ZNF487: variants seen among roughly 807,000 people sequenced by gnomAD.
ZNF487 encodes zinc finger protein 487, also known as KRAB domain only 1.
A neutral mutation model predicts 3.0 loss-of-function variants in ZNF487; 4 were observed. The ratio of observed to expected loss-of-function variants is 1.35; its 90% CI spans 0.66 to 3.08. ZNF487 has a LOEUF of 3.08. Among genes scored for constraint, ZNF487 ranks in the 30% most tolerant of loss-of-function variants. The probability of loss-of-function intolerance (pLI) is 0.01; values close to 1 mark genes in which losing one functional copy is unlikely to be tolerated. For missense variants in ZNF487, 146 were observed against 98.7 expected, an observed-to-expected ratio of 1.48 and a Z score of -2.03; for synonymous variants, 55 against 34.6, an observed-to-expected ratio of 1.59 and a Z score of -2.06.
chr10:43,457,852 C>A (rs1187601665), intron 1 of ZNF487, among the ~76,000 whole-genome samples: 7 of 152,004 alleles, frequency 4.6e-5, no homozygotes, highest in Non-Finnish European at 8.8e-5. Context: ...GAAACCCCGT[C>A]TCTACTAAAA....
chr10:43,442,738 C>T (rs1839662551), intron 1 of ZNF487, among the ~76,000 whole-genome samples: 1 of 152,106 alleles, frequency 6.6e-6, no homozygotes, highest in Non-Finnish European at 1.5e-5. Flanking sequence ...ACACCGCGCC[C>T]AGCCCTGGAA....
At chr10:43,488,443 T>C in the ZNF487 span, among the ~76,000 whole-genome samples, 1 of 152,144 alleles carries the variant, frequency 6.6e-6, no homozygotes, top group South Asian at 2.1e-4. Flanking sequence ...TAAAACATAA[T>C]AAGGAGCAAA....
At chr10:43,446,154 G>A (rs947070572) in intron 1 of ZNF487, among the ~76,000 whole-genome samples, 14 of 152,144 alleles carry the variant, frequency 9.2e-5, no homozygotes, top group Non-Finnish European at 2.9e-5. Context: ...CGACAAAACC[G>A]CCGTCGTCAT....
chr10:43,509,481 A>ATATATC, the ZNF487 span, among the ~76,000 whole-genome samples: 1 of 146,516 alleles, frequency 6.8e-6, no homozygotes, highest in African/African-American at 2.5e-5. Flanking sequence ...ATATATATAT[A>ATATATC]TCATGGGAGT....
chr10:43,455,898 G>A (rs1840181928), intron 1 of ZNF487, among the ~76,000 whole-genome samples: 1 of 152,256 alleles, frequency 6.6e-6, no homozygotes, highest in African/African-American at 2.4e-5. Flanking sequence ...GAAGGAGGCG[G>A]GCACCGCCCG....
intron 1 of ZNF487, among the ~76,000 whole-genome samples, chr10:43,467,441 G>T (rs1239126959): frequency 6.6e-6 from 1 of 151,934 alleles, no homozygotes; most frequent in South Asian, 2.1e-4. Flanking sequence ...CTGACCTCGT[G>T]ATCTGCCTGC....
chr10:43,493,705 AAAAAATATATATATAT>A, the ZNF487 span, among the ~76,000 whole-genome samples: 126 of 73,216 alleles, frequency 1.7e-3, 4 homozygotes, highest in African/African-American at 4.6e-3. Flanking sequence ...GAAAAAAAAA[AAAAAATATATATATAT>A]ATATATATAT....
intron 1 of ZNF487, among the ~76,000 whole-genome samples, chr10:43,461,876 T>C (rs895905696): frequency 6.6e-6 from 1 of 152,196 alleles, no homozygotes; most frequent in African/African-American, 2.4e-5. Context: ...TACCTTGTCA[T>C]TTGTCATCCC....
At chr10:43,507,085 A>G in the ZNF487 span, among the ~76,000 whole-genome samples, 1 of 152,310 alleles carries the variant, frequency 6.6e-6, no homozygotes, top group East Asian at 1.9e-4. Context: ...TTGACTGTAC[A>G]GTGGCATTCT....
chr10:43,505,289 T>C, the ZNF487 span, among the ~76,000 whole-genome samples: 4 of 1,912 alleles, frequency 2.1e-3, no homozygotes, highest in Non-Finnish European at 4.0e-3. Flanking sequence ...ATATTTACAT[T>C]TTTTTTTTTG....
the ZNF487 span, among the ~76,000 whole-genome samples, chr10:43,522,791 CAT>C: frequency 1.3e-5 from 2 of 151,526 alleles, no homozygotes; most frequent in African/African-American, 4.9e-5. Context: ...GCATTGGAAA[CAT>C]ATGTATTAGT....
chr10:43,477,504 C>G (rs1053449291), intron 3 of ZNF487, among the ~76,000 whole-genome samples: 5 of 151,896 alleles, frequency 3.3e-5, no homozygotes, highest in African/African-American at 7.3e-5. Flanking sequence ...TTCTAAATTC[C>G]TTTCATTGTT....
downstream of ZNF487, among the ~76,000 whole-genome samples, chr10:43,487,929 C>CAAAAAAAAAAAAAAAAAAAAA (rs76705594): frequency 4.9e-5 from 2 of 40,444 alleles, no homozygotes; most frequent in African/African-American, 9.5e-5. Context: ...TACCAAAATA[C>CAAAAAAAAAAAAAAAAAAAAA]AAAAAAAAAA....
At chr10:43,441,115 G>C (rs1392462075) in intron 1 of ZNF487, among the ~76,000 whole-genome samples, 1 of 120,238 alleles carries the variant, frequency 8.3e-6, no homozygotes, top group Non-Finnish European at 1.6e-5. Flanking sequence ...TCTTGAACTC[G>C]TGGGCTTAAG....
At chr10:43,443,284 G>A (rs1412615390) in intron 1 of ZNF487, among the ~76,000 whole-genome samples, 9 of 151,472 alleles carry the variant, frequency 5.9e-5, no homozygotes, top group Non-Finnish European at 8.8e-5. Flanking sequence ...GGCTGGTCTC[G>A]AACTCCTGAC....
intron 1 of ZNF487, among the ~76,000 whole-genome samples, chr10:43,471,207 C>A (rs1391078472): frequency 1.3e-5 from 2 of 152,150 alleles, no homozygotes; most frequent in Non-Finnish European, 2.9e-5. Context: ...CAACCCCTTG[C>A]AGGATGGAGC....
chr10:43,512,090 C>T, the ZNF487 span, among the ~76,000 whole-genome samples: 1 of 152,202 alleles, frequency 6.6e-6, no homozygotes, highest in South Asian at 2.1e-4. Flanking sequence ...TTCCCTTCAC[C>T]GCTGTCCTTC....
At chr10:43,480,019 CTTTCTTTCTTTCTTTCTTTCTTTCT>C (rs773806174) in intron 3 of ZNF487, among the ~76,000 whole-genome samples, 796 of 67,294 alleles carry the variant, frequency 0.012, 17 homozygotes, top group Non-Finnish European at 0.02. Context: ...TTCTTTCTTT[CTTTCTTTCTTTCTTTCTTTCTTTCT>C]TTTTCTTTCT....
chr10:43,453,668 T>C (rs1308794081), intron 1 of ZNF487: 1 of 152,196 alleles, frequency 6.6e-6, no homozygotes, highest in Non-Finnish European at 1.5e-5. Flanking sequence ...CAGTGAGCAG[T>C]CACCAACAGA....
Sources: allele counts gnomAD v4.1 joint callset (sites outside exome capture counted in the v4.1 genomes callset), GRCh38; gene constraint gnomAD v4.1.1; transcripts MANE v1.5; gene names NCBI Gene and HGNC (gene_info 2026-07-23, HGNC 2026-07-21).